Variants in KAT14 observed in about 807,000 individuals in gnomAD.
KAT14 encodes lysine acetyltransferase 14.
A neutral mutation model predicts 78.4 loss-of-function variants in KAT14; 66 were observed. The observed-to-expected ratio is 0.84, with a 90% CI of 0.69 to 1.03. The LOEUF (loss-of-function observed/expected upper bound fraction) is 1.03. Among genes scored for constraint, KAT14 ranks in the 50% least tolerant of loss-of-function variants. The pLI, the probability that KAT14 is intolerant of heterozygous loss-of-function variation, is 0.00. For synonymous variants in KAT14, 344 were observed against 359.4 expected (o/e 0.96, Z 0.48); for missense variants, 870 against 972.5 (o/e 0.89, Z 1.40).
chr20:18,144,268 ATTG>A (rs1269087378), intron 2 of KAT14, among the ~76,000 whole-genome samples: 1 of 152,198 alleles, frequency 6.6e-6, no homozygotes, highest in African/African-American at 2.4e-5. Context: ...GGTCTCTGTT[ATTG>A]ATTTCAGGTT....
intron 1 of KAT14, 198 bp downstream of exon 1, chr20:18,138,249 C>T: frequency 1.6e-6 from 2 of 1,237,568 alleles, no homozygotes; most frequent in Non-Finnish European, 2.0e-6. Context: ...TCCCGGCGGG[C>T]GTGTGCAGCC....
chr20:18,137,756 A>G, upstream of KAT14: 1 of 492,574 alleles, frequency 2.0e-6, no homozygotes, highest in Non-Finnish European at 3.4e-6. Flanking sequence ...TAGTGAAGCC[A>G]AGAGTTCGTA....
intron 3 of KAT14, among the ~76,000 whole-genome samples, chr20:18,150,128 AGGAGTT>A (rs1193202488): frequency 1.3e-5 from 2 of 152,172 alleles, no homozygotes; most frequent in African/African-American, 4.8e-5. Flanking sequence ...AGATTAGATT[AGGAGTT>A]TGCATCCTGA....
At position 18,142,421 on chromosome 20, in the gene KAT14, A is replaced by G. The variant is rs1016951472; in HGVS notation, c.-240A>G. 1.3e-6 allele frequency: 2 copies of G among 1,481,706 alleles called. No individual in the cohort carries two copies. The highest frequency in any genetic ancestry group is 2.4e-5 in the Admixed American group (1 of 42,442). 91.8% of individuals were successfully genotyped at this position (1,481,706 alleles called of 1,614,324 possible). ...TTGTGTGTGTGTGTTGATGGAGAGT[A>G]GCTTAGTAGTATCTTCATCTTTTTT... On this transcript the variant is annotated 5_prime_UTR_variant, in exon 2 of 11. Coordinates refer to ENST00000688188, the MANE Select transcript of KAT14 (RefSeq NM_001392073.1).
chr20:18,181,913 C>T, intron 8 of KAT14, 67 bp downstream of exon 8: 1 of 1,587,512 alleles, frequency 6.3e-7, no homozygotes, highest in Non-Finnish European at 8.6e-7. Flanking sequence ...GTTTCTGTGC[C>T]CTGTTCTCCT....
Position 18,183,289 on chromosome 20 carries a change from T to C in KAT14, c.1972T>C (p.Phe658Leu). ...GATCAACTCCATGTGTCAGGAGTTTTTTTGGCCTGGTATGTTCCCCCTCCC... is the reference window on the plus strand; with the variant it reads ...GATCAACTCCATGTGTCAGGAGTTTCTTTGGCCTGGTATGTTCCCCCTCCC... ...PTINSMCQEF[F>L]WPGIDLSECL... Residue 658 changes from phenylalanine (F) to leucine (L), a missense_variant, in exon 9 of 11, where the codon TTT (phenylalanine) becomes CTT (leucine). Phe to Leu is a conservative substitution (Grantham distance 22). Coordinates refer to ENST00000688188, the MANE Select transcript of KAT14 (RefSeq NM_001392073.1). 1.9e-6 allele frequency: 3 copies of C among 1,613,590 alleles called. No individual in the cohort carries two copies. The highest frequency in any genetic ancestry group is 2.5e-6 in the Non-Finnish European group (3 of 1,179,690).
chr20:18,159,314 G>C (rs2038334175), intron 5 of KAT14, 49 bp downstream of exon 5: 1 of 1,580,242 alleles, frequency 6.3e-7, no homozygotes, highest in African/African-American at 1.4e-5. Flanking sequence ...CCAGAGCCAA[G>C]CAGGTGTGAG....
At chr20:18,169,410 G>T (rs1176348960) in intron 7 of KAT14, among the ~76,000 whole-genome samples, 3 of 151,916 alleles carry the variant, frequency 2.0e-5, no homozygotes, top group African/African-American at 7.3e-5. Context: ...CTCACGTTTT[G>T]GCAGTTTTTG....
intron 4 of KAT14, among the ~76,000 whole-genome samples, chr20:18,153,655 T>C (rs935012347): frequency 6.6e-6 from 1 of 152,248 alleles, no homozygotes; most frequent in African/African-American, 2.4e-5. Flanking sequence ...GCCTTATTTC[T>C]TTTTAACATG....
chr20:18,178,192 A>G (rs1355352773), intron 7 of KAT14, among the ~76,000 whole-genome samples: 1 of 152,360 alleles, frequency 6.6e-6, no homozygotes, highest in East Asian at 1.9e-4. Context: ...AAAGTTCAGA[A>G]AAGTTGCAGC....
At position 18,162,139 on chromosome 20, in the gene KAT14, C is replaced by T. The variant is rs1220858761; in HGVS notation, c.999C>T (p.Phe333=). Residue 333 remains phenylalanine (F), a synonymous_variant, in exon 6 of 11, where the codon TTC becomes TTT. Coordinates refer to ENST00000688188, the MANE Select transcript of KAT14 (RefSeq NM_001392073.1). ...TSPSPSPSLD[F]SAPGTPASHS... ...CATCTCCTTCTCCTTCTCTGGATTT[C>T]TCTGCCCCTGGTACACCTGCCTCTC... The T allele has an allele frequency of 3.1e-6, 5 of 1,614,128 alleles. No individual in the cohort carries two copies. The Admixed American group carries it at 5.0e-5, about 16-fold the overall frequency.
intron 1 of KAT14, among the ~76,000 whole-genome samples, chr20:18,139,889 A>C (rs1427076309): frequency 6.6e-6 from 1 of 152,168 alleles, no homozygotes; most frequent in African/African-American, 2.4e-5. Context: ...TCCTCACAGT[A>C]ACCTAGCAAA....
chr20:18,162,978 G>A (rs2038504249), intron 7 of KAT14, 33 bp downstream of exon 7: 5 of 1,599,458 alleles, frequency 3.1e-6, no homozygotes, highest in Non-Finnish European at 4.3e-6. Flanking sequence ...AAGCCCTTGG[G>A]GGCAGGAGTG....
intron 10 of KAT14, 113 bp downstream of exon 10, chr20:18,184,905 C>A: frequency 8.5e-7 from 1 of 1,175,082 alleles, no homozygotes. Flanking sequence ...GAATGGTTTC[C>A]TTGTAAACCA....
intron 2 of KAT14, chr20:18,145,004 C>G: frequency 9.3e-7 from 1 of 1,079,632 alleles, no homozygotes; most frequent in Non-Finnish European, 1.2e-6. Flanking sequence ...TTTCCAGTAC[C>G]TTTCTCCTAA....
chr20:18,174,658 CT>C (rs901687403), intron 7 of KAT14, among the ~76,000 whole-genome samples: 7 of 128,332 alleles, frequency 5.5e-5, no homozygotes, highest in African/African-American at 5.3e-5. Flanking sequence ...TGTTTTCTTG[CT>C]TTTTTTTTTA....
At chr20:18,144,200 A>G (rs2037728892) in intron 2 of KAT14, among the ~76,000 whole-genome samples, 1 of 152,264 alleles carries the variant, frequency 6.6e-6, no homozygotes, top group African/African-American at 2.4e-5. Flanking sequence ...ACAAATTAAT[A>G]GTAACATTTT....
At position 18,143,628 on chromosome 20, in the gene KAT14, TTTTA is replaced by T. The variant is rs1362080401; in HGVS notation, c.259+713_259+716del. 1.5e-4 allele frequency among the ~76,000 whole-genome samples: 20 copies of T among 133,430 alleles called. 1 individual carries two copies. The highest frequency in any genetic ancestry group is 4.8e-4 in the African/African-American group (15 of 31,064). The allele number at this position is 133,430 out of a possible 152,430, so 87.5% of individuals were successfully genotyped here. On this transcript the variant is annotated intron_variant, in intron 2 of 10. Transcript: ENST00000688188. ...CACACCTGGCTAATTTTTTTTTTTATTTTATTTTTTTTTTTTGAGACGGAGTTTT... is the reference window on the plus strand; with the variant it reads ...CACACCTGGCTAATTTTTTTTTTTATTTTTTTTTTTTTGAGACGGAGTTTT...
At chr20:18,165,801 G>C (rs1193260969) in intron 7 of KAT14, among the ~76,000 whole-genome samples, 1 of 152,194 alleles carries the variant, frequency 6.6e-6, no homozygotes, top group Non-Finnish European at 1.5e-5. Flanking sequence ...GGCAGAGGAA[G>C]TGGGATCCTC....
Sources: allele counts gnomAD v4.1 joint callset (sites outside exome capture counted in the v4.1 genomes callset), GRCh38; gene constraint gnomAD v4.1.1; transcripts MANE v1.5; gene names NCBI Gene and HGNC (gene_info 2026-07-23, HGNC 2026-07-21).